Variants in RBFOX1 observed in about 807,000 individuals in gnomAD.
RBFOX1 encodes RNA binding fox-1 homolog 1, also known as RNA binding protein fox-1 homolog 1.
RBFOX1 carries 8 observed loss-of-function variants against 57.7 expected under a neutral mutation model. The ratio of observed to expected loss-of-function variants is 0.14; its 90% CI spans 0.08 to 0.25. RBFOX1 has a LOEUF of 0.25. Ranked by LOEUF, RBFOX1 falls within the 10% of genes least tolerant of loss-of-function variation. RBFOX1 has a pLI of 1.00. For synonymous variants in RBFOX1, 326 were observed against 222.4 expected (o/e 1.47, Z -4.15); for missense variants, 611 against 548.5 (o/e 1.11, Z -1.14).
At chr16:7,592,807 T>C (rs2152930328) in intron 7 of RBFOX1, among the ~76,000 whole-genome samples, 1 of 152,262 alleles carries the variant, frequency 6.6e-6, no homozygotes, top group East Asian at 1.9e-4. Flanking sequence ...TATAAAATTC[T>C]ATTTATTACA....
chr16:7,488,128 G>A (rs188318244), intron 4 of RBFOX1, among the ~76,000 whole-genome samples: 12 of 152,202 alleles, frequency 7.9e-5, no homozygotes, highest in African/African-American at 2.6e-4. Flanking sequence ...TCCTCTTGCC[G>A]TGCTAGTGTG....
At position 7,460,181 on chromosome 16, in the gene RBFOX1, C is replaced by T. The variant is rs561018224; in HGVS notation, c.28-57966C>T. ...TTATCCTCTTAGGCTGTCATTCCTC[C>T]TGTTTCTATTATAGCTGCCATTGCT... On this transcript the variant is annotated intron_variant, in intron 4 of 15. Coordinates refer to ENST00000550418, the MANE Select transcript of RBFOX1 (RefSeq NM_018723.4). 2.6e-5 allele frequency among the ~76,000 whole-genome samples: 4 copies of T among 151,604 alleles called. No homozygotes were observed. In the East Asian group the frequency reaches 7.8e-4, roughly 29 times the overall value.
chr16:7,007,227 G>A (rs1349552568), intron 3 of RBFOX1, among the ~76,000 whole-genome samples: 2 of 152,148 alleles, frequency 1.3e-5, no homozygotes, highest in Non-Finnish European at 2.9e-5. Flanking sequence ...TAGCAGAAGG[G>A]CTTCTCTTAG....
At chr16:6,476,803 C>T (rs540286979) in intron 2 of RBFOX1, among the ~76,000 whole-genome samples, 1 of 152,292 alleles carries the variant, frequency 6.6e-6, no homozygotes, top group Admixed American at 6.5e-5. Context: ...CAGCATTTTA[C>T]CTAACGTAGA....
intron 5 of RBFOX1, among the ~76,000 whole-genome samples, chr16:7,554,450 G>C (rs1161677743): frequency 6.6e-6 from 1 of 152,186 alleles, no homozygotes; most frequent in Non-Finnish European, 1.5e-5. Context: ...GTGGTAAAGA[G>C]CTGAACAGAG....
chr16:7,136,700 A>C (rs548567064), intron 4 of RBFOX1, among the ~76,000 whole-genome samples: 7 of 152,230 alleles, frequency 4.6e-5, no homozygotes, highest in Non-Finnish European at 8.8e-5. Context: ...TACGGGTGTG[A>C]GTCACTTCAC....
intron 4 of RBFOX1, among the ~76,000 whole-genome samples, chr16:5,892,980 AGAGGAG>A (rs1359992179): frequency 6.6e-6 from 1 of 152,184 alleles, no homozygotes; most frequent in African/African-American, 2.4e-5. Flanking sequence ...CCAAGGGTAA[AGAGGAG>A]GAAACAAAAA....
At chr16:7,392,134 C>G (rs1234376204) in intron 4 of RBFOX1, among the ~76,000 whole-genome samples, 1 of 152,194 alleles carries the variant, frequency 6.6e-6, no homozygotes, top group Non-Finnish European at 1.5e-5. Context: ...TCTGTACACG[C>G]TTTTCCTCCA....
rs78732818 is a variant in RBFOX1 at position 6,994,115 on chromosome 16, G to A, written c.-15-57942G>A. 5.6e-3 allele frequency among the ~76,000 whole-genome samples: 853 copies of A among 152,198 alleles called. 16 individuals carry two copies. The highest frequency in any genetic ancestry group is 0.019 in the African/African-American group (805 of 41,524). On this transcript the variant is annotated intron_variant, in intron 3 of 15. Coordinates refer to ENST00000550418, the MANE Select transcript of RBFOX1 (RefSeq NM_018723.4). ...ACATCTGTTGAAATGATATCTGCCC[G>A]TGATGAGGGGAGTTTGGGAATTGCG...
intron 2 of RBFOX1, among the ~76,000 whole-genome samples, chr16:5,559,527 G>C (rs917630780): frequency 1.3e-5 from 2 of 152,156 alleles, no homozygotes; most frequent in East Asian, 3.9e-4. Context: ...TGTCAGGATC[G>C]GGCCTTGGCC....
intron 3 of RBFOX1, among the ~76,000 whole-genome samples, chr16:5,721,425 T>C (rs775385996): frequency 3.3e-5 from 5 of 152,202 alleles, no homozygotes; most frequent in Non-Finnish European, 7.3e-5. Context: ...AAGATATTTC[T>C]ACTTCTTCCT....
intron 3 of RBFOX1, among the ~76,000 whole-genome samples, chr16:7,051,728 C>G (rs1389113450): frequency 1.3e-5 from 2 of 152,104 alleles, no homozygotes; most frequent in African/African-American, 4.8e-5. Context: ...ATAGGGCAAG[C>G]TGGGGTTTTC....
At chr16:7,284,149 T>C (rs1056414708) in intron 4 of RBFOX1, among the ~76,000 whole-genome samples, 3 of 152,250 alleles carry the variant, frequency 2.0e-5, no homozygotes, top group African/African-American at 7.2e-5. Flanking sequence ...CATTCTGTGG[T>C]ACAGATGCAC....
At chr16:7,025,835 A>T (rs1568424551) in intron 3 of RBFOX1, among the ~76,000 whole-genome samples, 1 of 152,106 alleles carries the variant, frequency 6.6e-6, no homozygotes, top group Non-Finnish European at 1.5e-5. Context: ...TCTGACAGCA[A>T]CCCCAGGTCA....
chr16:5,830,439 T>C (rs2056224783), intron 3 of RBFOX1, among the ~76,000 whole-genome samples: 1 of 152,164 alleles, frequency 6.6e-6, no homozygotes. Flanking sequence ...TTAGTGCTTA[T>C]CACAGACTCG....
At chr16:6,636,222 G>C (rs1179662107) in intron 2 of RBFOX1, among the ~76,000 whole-genome samples, 1 of 152,148 alleles carries the variant, frequency 6.6e-6, no homozygotes, top group Non-Finnish European at 1.5e-5. Flanking sequence ...CCAGGCTGGA[G>C]TGCAGAGGCA....
chr16:5,333,121 G>T (rs1201989703), intron 1 of RBFOX1, among the ~76,000 whole-genome samples: 1 of 151,760 alleles, frequency 6.6e-6, no homozygotes, highest in African/African-American at 2.4e-5. Context: ...CCAGGAGGTG[G>T]AGGTTGCAGT....
intron 5 of RBFOX1, among the ~76,000 whole-genome samples, chr16:7,559,860 C>T (rs538377965): frequency 6.6e-6 from 1 of 152,134 alleles, no homozygotes; most frequent in Non-Finnish European, 1.5e-5. Flanking sequence ...GGAAGAAAGG[C>T]CTTTAGGGAT....
At chr16:6,654,489 C>T (rs781611101) in intron 2 of RBFOX1, 114 bp from the exon 3 acceptor site, 61 of 791,468 alleles carry the variant, frequency 7.7e-5, no homozygotes, top group Middle Eastern at 2.3e-4. Context: ...CTATTAGGAG[C>T]ATGAGCTCTT....
Sources: gnomAD v4.1 joint callset for allele counts (sites outside exome capture counted in the v4.1 genomes callset) on GRCh38, gnomAD v4.1.1 for gene constraint, MANE v1.5 for transcripts, NCBI Gene and HGNC (gene_info 2026-07-23, HGNC 2026-07-21) for gene names.